The following KIAA1217 variants were observed in gnomAD, a reference collection of about 807,000 sequenced individuals.
KIAA1217 encodes KIAA1217, also known as sickle tail protein homolog.
KIAA1217 carries 88 observed loss-of-function variants against 163.9 expected under a neutral mutation model. The ratio of observed to expected loss-of-function variants is 0.54; its 90% confidence interval spans 0.45 to 0.64. The LOEUF (loss-of-function observed/expected upper bound fraction) is 0.64, where lower values mean the gene tolerates loss of function less well. Among genes scored for constraint, KIAA1217 ranks in the 30% least tolerant of loss-of-function variants. The pLI, the probability that KIAA1217 is intolerant of heterozygous loss-of-function variation, is 0.00. For missense variants in KIAA1217, 2,372 were observed against 2,475.0 expected, an observed-to-expected ratio of 0.96 and a Z score of 0.88; for synonymous variants, 903 against 923.1, an observed-to-expected ratio of 0.98 and a Z score of 0.39.
At chr10:24,237,852 A>G (rs571625997) in intron 2 of KIAA1217, among the ~76,000 whole-genome samples, 34 of 152,212 alleles carry the variant, frequency 2.2e-4, no homozygotes, top group Non-Finnish European at 4.1e-4. Context: ...GTATTAAACC[A>G]AGGTAGTTCT....
chr10:23,889,726 A>G (rs1589021025), intron 1 of KIAA1217, among the ~76,000 whole-genome samples: 1 of 151,524 alleles, frequency 6.6e-6, no homozygotes. Context: ...TTCATTTTGT[A>G]TTGTTTTTTC....
Position 24,368,095 on chromosome 10 carries a change from A to G in KIAA1217, c.355-12774A>G, listed in dbSNP as rs114540637. ...TAAACATTAAAGTTCAAGTTTAGAC[A>G]CTAAAGAGAATTTTCATGTCACACA... On this transcript the variant is annotated intron_variant, in intron 2 of 20. Coordinates refer to ENST00000376454, the MANE Select transcript of KIAA1217 (RefSeq NM_019590.5). Among the ~76,000 whole-genome samples the G allele has an allele frequency of 9.5e-3, 1,440 of 152,348 alleles. 27 individuals carry two copies. Among genetic ancestry groups the G allele is most frequent in the African/African-American group, 0.033 (1,355 of 41,576 alleles).
chr10:24,001,573 T>C (rs1376894491), intron 1 of KIAA1217, among the ~76,000 whole-genome samples: 1 of 152,232 alleles, frequency 6.6e-6, no homozygotes. Flanking sequence ...CTAAATGGCA[T>C]GTGTGTATTT....
intron 1 of KIAA1217, among the ~76,000 whole-genome samples, chr10:23,971,800 C>T (rs1463608798): frequency 6.6e-6 from 1 of 152,152 alleles, no homozygotes; most frequent in Non-Finnish European, 1.5e-5. Context: ...GAGGTTGGCA[C>T]CTTTTTAAGT....
intron 2 of KIAA1217, among the ~76,000 whole-genome samples, chr10:24,020,980 G>GA (rs1482834591): frequency 2.6e-5 from 4 of 151,914 alleles, no homozygotes; most frequent in African/African-American, 7.2e-5. Context: ...CCTATACTCA[G>GA]AAAAAATAGT....
chr10:23,851,856 G>A (rs1433690387), intron 1 of KIAA1217, among the ~76,000 whole-genome samples: 7 of 151,090 alleles, frequency 4.6e-5, no homozygotes, highest in Non-Finnish European at 1.5e-5. Context: ...TTTTTGATGG[G>A]GTTGTTTGTT....
At chr10:24,054,845 G>T (rs999107259) in intron 2 of KIAA1217, among the ~76,000 whole-genome samples, 4 of 152,110 alleles carry the variant, frequency 2.6e-5, no homozygotes, top group African/African-American at 9.7e-5. Context: ...GTAAGTATCT[G>T]TACATCTAAA....
intron 2 of KIAA1217, among the ~76,000 whole-genome samples, chr10:24,058,347 TTTC>T (rs1193231076): frequency 6.6e-6 from 1 of 152,230 alleles, no homozygotes. Flanking sequence ...AGCTTTGTTC[TTTC>T]TTCTGAAAAT....
chr10:24,023,103 A>G (rs1564617062), intron 2 of KIAA1217, among the ~76,000 whole-genome samples: 1 of 151,738 alleles, frequency 6.6e-6, no homozygotes, highest in Non-Finnish European at 1.5e-5. Context: ...AAGCATAAGG[A>G]TTAGAAAGAA....
chr10:24,291,855 A>C (rs1352667935), intron 2 of KIAA1217, among the ~76,000 whole-genome samples: 1 of 152,184 alleles, frequency 6.6e-6, no homozygotes, highest in African/African-American at 2.4e-5. Context: ...AAAGTCTAAG[A>C]CTAAAAAATT....
At chr10:24,029,542 T>A (rs1848105933) in intron 2 of KIAA1217, among the ~76,000 whole-genome samples, 1 of 152,166 alleles carries the variant, frequency 6.6e-6, no homozygotes, top group Non-Finnish European at 1.5e-5. Context: ...AATATAATTC[T>A]GGGCAAATTT....
intron 6 of KIAA1217, among the ~76,000 whole-genome samples, chr10:24,488,996 G>T (rs544075411): frequency 3.7e-4 from 56 of 152,294 alleles, no homozygotes; most frequent in African/African-American, 1.2e-3. Flanking sequence ...AAAAATATTT[G>T]TTGATTGACT....
intron 1 of KIAA1217, among the ~76,000 whole-genome samples, chr10:23,819,418 A>G (rs1398442511): frequency 2.0e-5 from 3 of 152,130 alleles, no homozygotes; most frequent in Non-Finnish European, 4.4e-5. Flanking sequence ...TGAATGTAAT[A>G]AGGGAAAGAT....
intron 3 of KIAA1217, among the ~76,000 whole-genome samples, chr10:24,391,034 G>A (rs1283858381): frequency 1.3e-5 from 2 of 152,178 alleles, no homozygotes; most frequent in Non-Finnish European, 2.9e-5. Flanking sequence ...TTCCTGGGTT[G>A]AAACTCTAGA....
chr10:24,351,159 G>T (rs1400920332), intron 2 of KIAA1217, among the ~76,000 whole-genome samples: 1 of 152,162 alleles, frequency 6.6e-6, no homozygotes, highest in Admixed American at 6.5e-5. Flanking sequence ...TGTTGGACAG[G>T]CTGGTCTAAA....
rs118098305 is a variant in KIAA1217, at chr10:23,751,321, C to T, written c.-321+56087C>T. ...GGGATTACAGGTGTGAGCCACCGTG[C>T]CTGGCGAGAATTTTCTACAATACCA... is the stretch of plus-strand genomic sequence containing the variant. On this transcript the variant is annotated intron_variant, in intron 1 of 18. Coordinates refer to the KIAA1217 transcript ENST00000376462. Among the ~76,000 whole-genome samples the T allele has an allele frequency of 1.2e-3, 182 of 152,254 alleles. 13 individuals are homozygous for T. In the East Asian group the frequency reaches 0.028, roughly 24 times the overall value.
At chr10:24,160,528 A>T (rs1479839974) in intron 2 of KIAA1217, among the ~76,000 whole-genome samples, 1 of 152,078 alleles carries the variant, frequency 6.6e-6, no homozygotes, top group Non-Finnish European at 1.5e-5. Flanking sequence ...CTGGAAAAAA[A>T]CCTTGTTACT....
chr10:23,882,820 T>C (rs1841008104), intron 1 of KIAA1217, among the ~76,000 whole-genome samples: 1 of 151,896 alleles, frequency 6.6e-6, no homozygotes, highest in African/African-American at 2.4e-5. Context: ...GATTGAAAAA[T>C]ATTTATGTGA....
At chr10:24,336,365 A>G (rs559144108) in intron 2 of KIAA1217, among the ~76,000 whole-genome samples, 13 of 152,322 alleles carry the variant, frequency 8.5e-5, no homozygotes, top group African/African-American at 3.1e-4. Flanking sequence ...AATTTTTCCT[A>G]CTTTTTAGTT....
Sources: allele counts gnomAD v4.1 joint callset (sites outside exome capture counted in the v4.1 genomes callset), GRCh38; gene constraint gnomAD v4.1.1; transcripts MANE v1.5; gene names NCBI Gene and HGNC (gene_info 2026-07-23, HGNC 2026-07-21).